BZW2: variants seen among roughly 807,000 people sequenced by gnomAD.
The protein encoded by BZW2 is eIF5-mimic protein 1.
Under a neutral mutation model 53.2 loss-of-function variants are expected in BZW2, and 23 were observed. The ratio of observed to expected loss-of-function variants is 0.43; its 90% confidence interval spans 0.31 to 0.61. The LOEUF (loss-of-function observed/expected upper bound fraction) is 0.61, where lower values mean the gene tolerates loss of function less well. BZW2 is among the 20% of genes least tolerant of loss of function. BZW2 has a pLI of 0.09. For missense variants in BZW2, 409 were observed against 503.1 expected, an observed-to-expected ratio of 0.81 and a Z score of 1.79; for synonymous variants, 227 against 186.4, an observed-to-expected ratio of 1.22 and a Z score of -1.77.
At chr7:16,662,900 T>C (rs1470832693) in intron 1 of BZW2, among the ~76,000 whole-genome samples, 1 of 152,212 alleles carries the variant, frequency 6.6e-6, no homozygotes, top group African/African-American at 2.4e-5. Context: ...TGCATCTTGG[T>C]ACAAGACCCA....
At chr7:16,670,990 C>T (rs952891577) in intron 2 of BZW2, among the ~76,000 whole-genome samples, 3 of 152,214 alleles carry the variant, frequency 2.0e-5, no homozygotes, top group Non-Finnish European at 4.4e-5. Flanking sequence ...CCACTTACAA[C>T]CCAGCCCTTC....
At chr7:16,670,247 C>T (rs994830578) in intron 2 of BZW2, among the ~76,000 whole-genome samples, 2 of 152,188 alleles carry the variant, frequency 1.3e-5, no homozygotes, top group Admixed American at 1.3e-4. Context: ...ATGCTATCTT[C>T]CTTTTTCTGT....
intron 8 of BZW2, among the ~76,000 whole-genome samples, chr7:16,696,617 A>C (rs1443401590): frequency 6.6e-6 from 1 of 152,172 alleles, no homozygotes; most frequent in Non-Finnish European, 1.5e-5. Flanking sequence ...TCCCTACTCT[A>C]CTAGACTCAA....
chr7:16,674,227 C>G (rs1782697611), intron 2 of BZW2, among the ~76,000 whole-genome samples, 185 bp from the exon 3 acceptor site: 1 of 152,110 alleles, frequency 6.6e-6, no homozygotes, highest in African/African-American at 2.4e-5. Context: ...AAAGAGACAT[C>G]CCTTCTTATT....
chr7:16,653,618 A>G lies in BZW2; in HGVS notation c.-8+7330A>G, dbSNP rs1007427621. Among the ~76,000 whole-genome samples the G allele has an allele frequency of 3.3e-5, 5 of 152,302 alleles. No homozygotes were observed. The East Asian group carries it at 9.6e-4, about 29-fold the overall frequency. On this transcript the variant is annotated intron_variant, in intron 1 of 11. Coordinates refer to ENST00000258761, the MANE Select transcript of BZW2 (RefSeq NM_014038.3). ...TCTCCTCTACTATGTAAAGCTCAACATGTATTTAGGTATCTTCCAGTGAAA... is the reference window on the plus strand; with the variant it reads ...TCTCCTCTACTATGTAAAGCTCAACGTGTATTTAGGTATCTTCCAGTGAAA...
intron 2 of BZW2, among the ~76,000 whole-genome samples, chr7:16,669,664 T>C (rs1782541011): frequency 6.6e-6 from 1 of 152,236 alleles, no homozygotes; most frequent in South Asian, 2.1e-4. Flanking sequence ...ACTTCACTAA[T>C]GTGTTTTTAA....
chr7:16,672,516 A>G (rs951858336), intron 2 of BZW2, among the ~76,000 whole-genome samples: 1 of 152,128 alleles, frequency 6.6e-6, no homozygotes, highest in African/African-American at 2.4e-5. Flanking sequence ...CTGTTGCAGT[A>G]TCTTTCACCT....
At chr7:16,670,200 C>T (rs572194972) in intron 2 of BZW2, among the ~76,000 whole-genome samples, 85 of 152,270 alleles carry the variant, frequency 5.6e-4, no homozygotes, top group African/African-American at 2.0e-3. Context: ...GACCTACCAC[C>T]CTTATTGCTC....
intron 1 of BZW2, among the ~76,000 whole-genome samples, chr7:16,663,325 C>T (rs1372735949): frequency 2.6e-5 from 4 of 152,226 alleles, no homozygotes; most frequent in African/African-American, 4.8e-5. Context: ...GTGAGTTTCT[C>T]GAGGGCATGG....
intron 2 of BZW2, among the ~76,000 whole-genome samples, chr7:16,672,800 T>C (rs1375179091): frequency 6.6e-6 from 1 of 152,200 alleles, no homozygotes; most frequent in Non-Finnish European, 1.5e-5. Flanking sequence ...AAGGTTTTGC[T>C]AGAGTCTAAA....
chr7:16,701,746 C>T (rs1562499712), intron 10 of BZW2, among the ~76,000 whole-genome samples: 1 of 152,040 alleles, frequency 6.6e-6, no homozygotes, highest in South Asian at 2.1e-4. Flanking sequence ...TGTGTTGAAT[C>T]GATACTATAG....
intron 1 of BZW2, chr7:16,662,224 A>G (rs147012756): frequency 6.6e-5 from 10 of 152,238 alleles, no homozygotes; most frequent in Middle Eastern, 6.8e-3. Flanking sequence ...GGAGAGCAGA[A>G]TATCTTTATT....
At chr7:16,670,052 T>C (rs1782552884) in intron 2 of BZW2, among the ~76,000 whole-genome samples, 1 of 152,254 alleles carries the variant, frequency 6.6e-6, no homozygotes, top group African/African-American at 2.4e-5. Flanking sequence ...TGCCATTTTC[T>C]TATATGGGAA....
At chr7:16,704,104 TA>T (rs1332143619) in intron 10 of BZW2, among the ~76,000 whole-genome samples, 2 of 152,110 alleles carry the variant, frequency 1.3e-5, no homozygotes, top group Admixed American at 6.6e-5. Flanking sequence ...ATTTTTCTCC[TA>T]AAAAAAGAAA....
chr7:16,651,887 G>A (rs818584), intron 1 of BZW2, among the ~76,000 whole-genome samples: 5,308 of 152,170 alleles, frequency 0.035, 306 homozygotes, highest in African/African-American at 0.12. Flanking sequence ...ATATTTATGC[G>A]CTACTCCATC....
At chr7:16,656,731 C>T (rs1778026451) in intron 1 of BZW2, among the ~76,000 whole-genome samples, 1 of 152,182 alleles carries the variant, frequency 6.6e-6, no homozygotes, top group African/African-American at 2.4e-5. Context: ...AAATCTTTCA[C>T]TTACTTCCCT....
intron 2 of BZW2, among the ~76,000 whole-genome samples, chr7:16,666,915 A>C (rs902645431): frequency 1.3e-5 from 2 of 150,962 alleles, no homozygotes; most frequent in Non-Finnish European, 3.0e-5. Flanking sequence ...ACACCAAGCC[A>C]AGAATATTTT....
chr7:16,674,693 T>G, intron 3 of BZW2, 105 bp downstream of exon 3: 1 of 1,007,610 alleles, frequency 9.9e-7, no homozygotes, highest in Non-Finnish European at 1.3e-6. Context: ...TTTATTAGAG[T>G]TAATAAAAAT....
intron 1 of BZW2, among the ~76,000 whole-genome samples, chr7:16,663,150 A>T (rs2128353444): frequency 6.6e-6 from 1 of 152,314 alleles, no homozygotes; most frequent in Non-Finnish European, 1.5e-5. Context: ...CATCAAATGA[A>T]ATGGGAATTC....
Sources: gnomAD v4.1 joint callset for allele counts (sites outside exome capture counted in the v4.1 genomes callset) on GRCh38, gnomAD v4.1.1 for gene constraint, MANE v1.5 for transcripts, NCBI Gene and HGNC (gene_info 2026-07-23, HGNC 2026-07-21) for gene names.